SLC3A1: variants seen among roughly 807,000 people sequenced by gnomAD.
The protein encoded by SLC3A1 is solute carrier family 3 member 1.
In SLC3A1, 78 loss-of-function variants were observed where a neutral mutation model predicts 60.3. The ratio of observed to expected loss-of-function variants is 1.29; its 90% CI spans 1.08 to 1.56. The LOEUF is 1.56. SLC3A1 is among the 40% of genes most tolerant of loss of function. The pLI is 0.00. For missense variants in SLC3A1, 1,172 were observed against 858.9 expected (o/e 1.36, Z -4.56); for synonymous variants, 392 against 307.9 (o/e 1.27, Z -2.86).
Position 44,321,367 on chromosome 2 carries a change from G to A in SLC3A1, c.*728G>A, listed in dbSNP as rs147585967. 3.6e-4 allele frequency: 576 copies of A among 1,605,516 alleles called. No homozygotes were observed. The highest frequency in any genetic ancestry group is 4.7e-4 in the Non-Finnish European group (556 of 1,172,940). Reference sequence around the variant, plus strand: ...TTGAATGCAGTGTTTCAGAATTTCAGGTATTTCTTAAGATCCTCGAAAACA... The same window carrying A: ...TTGAATGCAGTGTTTCAGAATTTCAAGTATTTCTTAAGATCCTCGAAAACA... On this transcript the variant is annotated 3_prime_UTR_variant, in exon 10 of 10. Transcript: ENST00000260649.
rs1163486171 is a variant in SLC3A1, at chr2:44,313,885, T to G, written c.1551T>G (p.Ala517=). The G allele has an allele frequency of 6.2e-7, 1 of 1,614,036 alleles. No individual in the cohort carries two copies. The highest frequency in any genetic ancestry group is 1.3e-5 in the African/African-American group (1 of 74,956). ...TGCAGTGGGACAATAGTTCAAATGCTGGTTTTTCTGAAGCTAGTAACACCT... is the reference window on the plus strand; with the variant it reads ...TGCAGTGGGACAATAGTTCAAATGCGGGTTTTTCTGAAGCTAGTAACACCT... ...SPMQWDNSSN[A]GFSEASNTWL... The change falls in exon 9 of 10, where the codon GCT becomes GCG. Residue 517 remains alanine, a synonymous_variant. Transcript: ENST00000260649.
chr2:44,305,054 C>T (rs1171390015), intron 7 of SLC3A1, among the ~76,000 whole-genome samples: 1 of 152,190 alleles, frequency 6.6e-6, no homozygotes, highest in South Asian at 2.1e-4. Flanking sequence ...TTGTCTTAAA[C>T]TCCTGACCTC....
chr2:44,311,564 A>C (rs1244370823), intron 7 of SLC3A1, among the ~76,000 whole-genome samples: 1 of 152,176 alleles, frequency 6.6e-6, no homozygotes, highest in Non-Finnish European at 1.5e-5. Flanking sequence ...GTCTTGAGAA[A>C]TCAAAGGGTT....
At chr2:44,317,956 A>G in intron 9 of SLC3A1, 1 of 266,178 alleles carries the variant, frequency 3.8e-6, no homozygotes, top group Non-Finnish European at 7.6e-6. Flanking sequence ...AGATATAGCA[A>G]GCAAATAATA....
intron 6 of SLC3A1, among the ~76,000 whole-genome samples, chr2:44,303,201 C>G (rs991282298): frequency 1.3e-5 from 2 of 149,648 alleles, no homozygotes; most frequent in South Asian, 2.1e-4. Context: ...AACTCTGTCT[C>G]AAGAAACAAT....
At chr2:44,299,230 G>C (rs1671937387) in intron 4 of SLC3A1, among the ~76,000 whole-genome samples, 1 of 151,684 alleles carries the variant, frequency 6.6e-6, no homozygotes, top group Non-Finnish European at 1.5e-5. Context: ...GTAGAGACAG[G>C]GTTTCATCAT....
In SLC3A1 at chr2:44,275,729, A is replaced by G. The variant is rs1030612485; in HGVS notation, c.194A>G (p.Tyr65Cys). ...CCCGACTTCAAGGGCGTCCAGCCCT[A>G]TGCGGGGATGCCCAAGGAGGTGCTG... ...QEPDFKGVQP[Y>C]AGMPKEVLFQ... Residue 65 changes from tyrosine to cysteine, a missense_variant, in exon 1 of 10, where the codon TAT becomes TGT. Tyr to Cys is a radical substitution (Grantham distance 194). Coordinates refer to ENST00000260649, the MANE Select transcript of SLC3A1 (RefSeq NM_000341.4). 1.1e-5 allele frequency: 17 copies of G among 1,614,228 alleles called. No individual in the cohort carries two copies. Among genetic ancestry groups the G allele is most frequent in the Non-Finnish European group, 1.4e-5 (17 of 1,180,014 alleles).
At chr2:44,295,660 T>C (rs889514447) in intron 4 of SLC3A1, among the ~76,000 whole-genome samples, 1 of 152,208 alleles carries the variant, frequency 6.6e-6, no homozygotes, top group African/African-American at 2.4e-5. Flanking sequence ...CCATAAACCT[T>C]CTGTGCGGTA....
At chr2:44,306,189 A>C (rs1442032958) in intron 7 of SLC3A1, among the ~76,000 whole-genome samples, 1 of 152,138 alleles carries the variant, frequency 6.6e-6, no homozygotes. Context: ...TACCCCCACA[A>C]TACCTGTAGG....
At position 44,320,505 on chromosome 2, in the gene SLC3A1, A is replaced by G; in HGVS notation, c.1924A>G (p.Lys642Glu). The change falls in exon 10 of 10, where the codon AAG becomes GAG. Residue 642 changes from lysine to glutamate, a missense_variant. Transcript: ENST00000260649. ...TGATACAAGTGGCATTTTTCTGGAC[A>G]AGGGAGAGGGACTCATCTTTGAACA... ...KVDTSGIFLD[K>E]GEGLIFEHNT... The G allele has an allele frequency of 1.9e-6, 3 of 1,614,144 alleles. No individual in the cohort carries two copies. The highest frequency in any genetic ancestry group is 2.2e-5 in the East Asian group (1 of 44,890).
At chr2:44,315,580 CAA>C (rs1419949024) in intron 9 of SLC3A1, among the ~76,000 whole-genome samples, 1 of 130,096 alleles carries the variant, frequency 7.7e-6, no homozygotes, top group East Asian at 2.2e-4. Flanking sequence ...AGGCTGAGCC[CAA>C]GAGATCAAGG....
chr2:44,301,948 G>A (rs552269239), intron 6 of SLC3A1, among the ~76,000 whole-genome samples: 18 of 152,024 alleles, frequency 1.2e-4, no homozygotes, highest in African/African-American at 3.9e-4. Context: ...CCAGCTACTC[G>A]GGAGGCTGAG....
chr2:44,319,438 G>A (rs1672734104), intron 9 of SLC3A1: 1 of 152,448 alleles, frequency 6.6e-6, no homozygotes, highest in East Asian at 1.9e-4. Context: ...TCGTCAAAAT[G>A]AAAGGGCATG....
In SLC3A1 at chr2:44,315,575, G is replaced by A. The variant is rs573977443; in HGVS notation, c.1617+1624G>A. On this transcript the variant is annotated intron_variant, in intron 9 of 9. Transcript: ENST00000260649. ...TGTCATCCCAGCTACTCAGGAGGCT[G>A]AGCCCAAGAGATCAAGGTTGCAGTG... Among the ~76,000 whole-genome samples, 17 of 144,636 alleles carry A rather than the reference G, an allele frequency of 1.2e-4. 1 individual carries two copies. The South Asian group carries it at 3.7e-3, about 31-fold the overall frequency. 94.9% of individuals were successfully genotyped at this position (144,636 alleles called of 152,430 possible).
At chr2:44,280,989 CAT>C in intron 2 of SLC3A1, 94 bp downstream of exon 2, 1 of 1,095,262 alleles carries the variant, frequency 9.1e-7, no homozygotes, top group Non-Finnish European at 1.4e-6. Context: ...CCTTAACTGT[CAT>C]ATACTATTTC....
At chr2:44,302,514 T>A (rs1472500554) in intron 6 of SLC3A1, among the ~76,000 whole-genome samples, 4 of 152,180 alleles carry the variant, frequency 2.6e-5, no homozygotes, top group Non-Finnish European at 5.9e-5. Context: ...GTAAGTAATG[T>A]CCACAGGTAG....
chr2:44,295,728 G>A (rs984223753), intron 4 of SLC3A1, among the ~76,000 whole-genome samples: 3 of 152,154 alleles, frequency 2.0e-5, no homozygotes, highest in Admixed American at 6.5e-5. Context: ...TCCGGACTCC[G>A]TAAAGAAAAG....
intron 3 of SLC3A1, chr2:44,285,711 T>C (rs763431104): frequency 1.3e-5 from 7 of 525,776 alleles, no homozygotes; most frequent in South Asian, 1.1e-4. Flanking sequence ...GTTTGGATCC[T>C]GGACAGAAGA....
chr2:44,310,636 T>C (rs550935655), intron 7 of SLC3A1, among the ~76,000 whole-genome samples: 16 of 152,320 alleles, frequency 1.1e-4, no homozygotes, highest in Admixed American at 2.6e-4. Context: ...TTGGAGTTCA[T>C]TGAGGTTCTT....
Sources: gnomAD v4.1 joint callset for allele counts (sites outside exome capture counted in the v4.1 genomes callset) on GRCh38, gnomAD v4.1.1 for gene constraint, MANE v1.5 for transcripts, NCBI Gene and HGNC (gene_info 2026-07-23, HGNC 2026-07-21) for gene names.